Variants in ALG13 observed in about 807,000 individuals in gnomAD.
The protein encoded by ALG13 is ALG13 UDP-N-acetylglucosaminyltransferase subunit.
In ALG13, 11 loss-of-function variants were observed where a neutral mutation model predicts 87.8. The ratio of observed to expected loss-of-function variants is 0.13; its 90% CI spans 0.08 to 0.21. ALG13 has a LOEUF of 0.21. Ranked by LOEUF, ALG13 falls within the 10% of genes least tolerant of loss-of-function variation. The pLI is 1.00. For synonymous variants in ALG13, 320 were observed against 306.3 expected (o/e 1.04, Z -0.47); for missense variants, 756 against 866.1 (o/e 0.87, Z 1.60).
chrX:111,710,986 A>C (rs1227398007), intron 5 of ALG13: 1 of 112,479 alleles, frequency 8.9e-6, no homozygotes, highest in Non-Finnish European at 1.9e-5. Context: ...CGTGAGCCAC[A>C]ACACCCAGCC....
chrX:111,751,651 T>A (rs965127843), intron 24 of ALG13, among the ~76,000 whole-genome samples: 44 of 111,814 alleles, frequency 3.9e-4, no homozygotes, highest in African/African-American at 1.3e-3. Context: ...ACTATTTTTT[T>A]AAAATATTAT....
chrX:111,709,585 G>T (rs748467328), intron 5 of ALG13, among the ~76,000 whole-genome samples: 4 of 111,313 alleles, frequency 3.6e-5, no homozygotes, highest in African/African-American at 1.3e-4. Flanking sequence ...TTAGAGCTCT[G>T]CCACTAATGA....
intron 5 of ALG13, among the ~76,000 whole-genome samples, chrX:111,710,516 T>A (rs1035356595): frequency 1.8e-5 from 2 of 111,431 alleles, no homozygotes; most frequent in African/African-American, 6.5e-5. Flanking sequence ...TATAAAACTC[T>A]AGAAAAAATA....
intron 5 of ALG13, 146 bp from the exon 6 acceptor site, chrX:111,711,529 A>G (rs904341944): frequency 2.0e-5 from 9 of 457,983 alleles, no homozygotes; most frequent in African/African-American, 1.5e-4. Flanking sequence ...TGTATGTGCA[A>G]ATCTTCTTGA....
intron 19 of ALG13, among the ~76,000 whole-genome samples, chrX:111,728,776 C>T (rs1942352548): frequency 9.0e-6 from 1 of 110,657 alleles, no homozygotes; most frequent in Admixed American, 9.7e-5. Flanking sequence ...CTACGTGATA[C>T]CCACTCTACT....
At chrX:111,752,550 G>A (rs1334421682) in intron 24 of ALG13, among the ~76,000 whole-genome samples, 1 of 109,897 alleles carries the variant, frequency 9.1e-6, no homozygotes, top group Non-Finnish European at 1.9e-5. Context: ...TGAGTAGCTG[G>A]GATTACAGGC....
At chrX:111,697,920 A>G (rs990967644) in intron 3 of ALG13, among the ~76,000 whole-genome samples, 2 of 112,305 alleles carry the variant, frequency 1.8e-5, no homozygotes, top group Non-Finnish European at 3.8e-5. Context: ...TTGGAGCTGT[A>G]AAATTCCAAT....
chrX:111,713,445 C>A, intron 8 of ALG13, 148 bp downstream of exon 8: 1 of 449,088 alleles, frequency 2.2e-6, no homozygotes, highest in Middle Eastern at 5.8e-4. Flanking sequence ...CCTCTCTAGT[C>A]AGTTAATCTC....
chrX:111,702,065 A>G (rs764269948), intron 3 of ALG13, among the ~76,000 whole-genome samples: 1 of 112,042 alleles, frequency 8.9e-6, no homozygotes, highest in East Asian at 2.8e-4. Flanking sequence ...TAAATTTGTT[A>G]AGACTTGTTT....
At position 111,747,359 on chromosome X, in the gene ALG13, T is replaced by C. The variant is rs1048175076; in HGVS notation, c.2932+2455T>C. On this transcript the variant is annotated intron_variant, in intron 24 of 26. Coordinates refer to ENST00000394780, the MANE Select transcript of ALG13 (RefSeq NM_001099922.3). ...CAGAATGGCTCTTAGCAATATATAT[T>C]TAAGTTTCCTCACCAAATCATTATC... is the stretch of plus-strand genomic sequence containing the variant. 7.1e-5 allele frequency among the ~76,000 whole-genome samples: 8 copies of C among 112,326 alleles called. No individual in the cohort carries two copies. The Admixed American group carries it at 7.5e-4, about 11-fold the overall frequency.
intron 3 of ALG13, among the ~76,000 whole-genome samples, chrX:111,685,722 G>T (rs982225805): frequency 2.7e-5 from 3 of 111,980 alleles, no homozygotes; most frequent in African/African-American, 9.7e-5. Flanking sequence ...GTGGTAGCTG[G>T]GGTGAAGACT....
intron 2 of ALG13, 122 bp from the exon 3 acceptor site, chrX:111,684,843 A>G (rs755313677): frequency 1.7e-4 from 102 of 611,476 alleles, no homozygotes; most frequent in Non-Finnish European, 2.3e-5. Flanking sequence ...TGTATAATTG[A>G]AAGACCTAGT....
chrX:111,743,743 A>T (rs1208216931), intron 23 of ALG13: 1 of 111,775 alleles, frequency 8.9e-6, no homozygotes, highest in African/African-American at 3.3e-5. Flanking sequence ...CAGTGTGCTA[A>T]AACTCTGACT....
At position 111,685,082 on chromosome X, in the gene ALG13, A is replaced by G. The variant is rs778296473; in HGVS notation, c.362A>G (p.His121Arg). 11 of 1,210,106 alleles carry G rather than the reference A, an allele frequency of 9.1e-6. No individual in the cohort carries two copies. The South Asian group carries it at 1.8e-4, about 19-fold the overall frequency. ...GCAAAGCAGCTACACAAAGAGGGTC[A>G]TCTCTTCTATTGTACCTGCAGGTAT... ...ELAKQLHKEG[H>R]LFYCTCRVLT... Residue 121 changes from histidine (H) to arginine (R), a missense_variant, in exon 3 of 27, where the codon CAT becomes CGT. His to Arg is a conservative substitution (Grantham distance 29). Around this residue, in one of 9 missense-constraint regions of ALG13, gnomAD observed 153 missense variants for 168.7 expected, o/e 0.91. Coordinates refer to ENST00000394780, the MANE Select transcript of ALG13 (RefSeq NM_001099922.3).
At chrX:111,744,617 A>C in intron 23 of ALG13, 51 bp from the exon 24 acceptor site, 1 of 1,122,966 alleles carries the variant, frequency 8.9e-7, no homozygotes, top group African/African-American at 1.8e-5. Context: ...CCTACTGTTC[A>C]TAAGGTGTTA....
In ALG13 at chrX:111,760,098, T is replaced by C; in HGVS notation, c.*99T>C. On this transcript the variant is annotated 3_prime_UTR_variant, in exon 27 of 27. Coordinates refer to ENST00000394780, the MANE Select transcript of ALG13 (RefSeq NM_001099922.3). Reference sequence around the variant, plus strand: ...GTGGTTAAATGATTTAGGTGATTAGTGTTTACTATTGTATTTGTCTTTAAA... The same window carrying C: ...GTGGTTAAATGATTTAGGTGATTAGCGTTTACTATTGTATTTGTCTTTAAA... 1.2e-6 allele frequency: 1 copy of C among 830,998 alleles called. No individual in the cohort carries two copies. The highest frequency in any genetic ancestry group is 2.1e-5 in the African/African-American group (1 of 48,554). 68.5% of individuals were successfully genotyped at this position (830,998 alleles called of 1,213,427 possible).
At chrX:111,682,476 A>C (rs919088206) in intron 2 of ALG13, among the ~76,000 whole-genome samples, 182 bp downstream of exon 2, 1 of 112,107 alleles carries the variant, frequency 8.9e-6, no homozygotes, top group Non-Finnish European at 1.9e-5. Flanking sequence ...CTCTCCCTCC[A>C]ATAAGGAACT....
chrX:111,718,246 A>G lies in ALG13; in HGVS notation c.1222A>G (p.Thr408Ala), dbSNP rs1227778692. 1 of 1,195,252 alleles carries G rather than the reference A, an allele frequency of 8.4e-7. No homozygotes were observed. The highest frequency in any genetic ancestry group is 2.3e-5 in the Admixed American group (1 of 44,052). ...NAVTGSEDAH[T>A]DYKSSNQNRM... Reference sequence around the variant, plus strand: ...TGTAACTGGAAGCGAGGATGCCCATACTGATTACAAGAGTTCAAATCAGAA... The same window carrying G: ...TGTAACTGGAAGCGAGGATGCCCATGCTGATTACAAGAGTTCAAATCAGAA... Residue 408 changes from threonine to alanine, a missense_variant, in exon 10 of 27, where the codon ACT becomes GCT. Around this residue, in one of 9 missense-constraint regions of ALG13, gnomAD observed 48 missense variants for 50.5 expected, o/e 0.95. Coordinates refer to ENST00000394780, the MANE Select transcript of ALG13 (RefSeq NM_001099922.3).
intron 1 of ALG13, chrX:111,681,564 C>G: frequency 3.1e-6 from 3 of 960,563 alleles, no homozygotes; most frequent in Non-Finnish European, 4.0e-6. Flanking sequence ...CTTTTCCGGT[C>G]TGCCCCCGCG....
Sources: allele counts gnomAD v4.1 joint callset (sites outside exome capture counted in the v4.1 genomes callset), GRCh38; gene constraint gnomAD v4.1.1; regional missense constraint gnomAD v4.1.1; transcripts MANE v1.5; gene names NCBI Gene and HGNC (gene_info 2026-07-23, HGNC 2026-07-21).